Variants in PCDHGB6 observed in about 807,000 individuals in gnomAD.
The protein encoded by PCDHGB6 is protocadherin gamma subfamily B, 6, also known as protocadherin gamma-B6.
A neutral mutation model predicts 59.1 loss-of-function variants in PCDHGB6; 51 were observed. The observed-to-expected ratio is 0.86, with a 90% CI of 0.69 to 1.09. The LOEUF is 1.09. Among genes scored for constraint, PCDHGB6 ranks in the 50% least tolerant of loss-of-function variants. The pLI is 0.00. For missense variants in PCDHGB6, 1,148 were observed against 1,205.1 expected, an observed-to-expected ratio of 0.95 and a Z score of 0.70; for synonymous variants, 466 against 495.1, an observed-to-expected ratio of 0.94 and a Z score of 0.78.
In PCDHGB6 at chr5:141,486,610, C is replaced by G; in HGVS notation, c.2419-8197C>G. 6.2e-7 allele frequency: 1 copy of G among 1,613,620 alleles called. No homozygotes were observed. The highest frequency in any genetic ancestry group is 8.5e-7 in the Non-Finnish European group (1 of 1,180,038). On this transcript the variant is annotated intron_variant, in intron 1 of 3. Coordinates refer to ENST00000520790, the MANE Select transcript of PCDHGB6 (RefSeq NM_018926.3). This position sits in a 1 kb window ranked among gnomAD's most constrained non-coding sequence, Gnocchi z 5.0. ...GGGACCTGCTTTGCTCCCTTGCAGC[C>G]TCTGACCCAGACTCTGGCTTGAATG...
intron 1 of PCDHGB6, chr5:141,420,193 A>G: frequency 6.2e-7 from 1 of 1,613,766 alleles, no homozygotes; most frequent in South Asian, 1.1e-5. Context: ...CAGCCACACA[A>G]GATAACCTCA....
rs1328089059 is a variant in PCDHGB6, at chr5:141,478,532, G to A, written c.2419-16275G>A. 4.4e-6 allele frequency: 7 copies of A among 1,607,742 alleles called. No homozygotes were observed. The East Asian group carries it at 1.6e-4, about 36-fold the overall frequency. On this transcript the variant is annotated intron_variant, in intron 1 of 3. Coordinates refer to ENST00000520790, the MANE Select transcript of PCDHGB6 (RefSeq NM_018926.3). Reference sequence around the variant, plus strand: ...TAGGCAGGTGTTGGGTGCAGAGAGCGCCCCTCCCGGACAGGTAAGGTTTAG... The same window carrying A: ...TAGGCAGGTGTTGGGTGCAGAGAGCACCCCTCCCGGACAGGTAAGGTTTAG...
At position 141,476,477 on chromosome 5, in the gene PCDHGB6, G is replaced by A; in HGVS notation, c.2419-18330G>A. 1.2e-6 allele frequency: 2 copies of A among 1,614,078 alleles called. No individual in the cohort carries two copies. Among genetic ancestry groups the A allele is most frequent in the South Asian group, 1.1e-5 (1 of 91,070 alleles). ...GGAGAACCCGCTGGAGCTGTTCAGC[G>A]TGGAAGTGGTGATCCAGGACATCAA... On this transcript the variant is annotated intron_variant, in intron 1 of 3. Transcript: ENST00000520790. This position sits in a 1 kb window ranked among gnomAD's most constrained non-coding sequence, Gnocchi z 7.6.
chr5:141,485,887 C>T lies in PCDHGB6; in HGVS notation c.2419-8920C>T. 1 of 1,614,098 alleles carries T rather than the reference C, an allele frequency of 6.2e-7. No homozygotes were observed. On this transcript the variant is annotated intron_variant, in intron 1 of 3. Transcript: ENST00000520790. The surrounding 1 kb of genome is among the most constrained non-coding windows in gnomAD (Gnocchi z 5.7). ...TATCCGTGCTGGACGTAAACGACAA[C>T]GCCCCAGCCTTCCAGCAATCCAGCT...
intron 1 of PCDHGB6, among the ~76,000 whole-genome samples, chr5:141,482,605 C>T (rs2099569133): frequency 6.7e-6 from 1 of 150,032 alleles, no homozygotes; most frequent in Admixed American, 6.6e-5. Flanking sequence ...GAAAAAACAC[C>T]TAAATGAGCC....
intron 1 of PCDHGB6, among the ~76,000 whole-genome samples, chr5:141,480,689 C>A (rs1266042791): frequency 6.6e-6 from 1 of 152,126 alleles, no homozygotes; most frequent in Non-Finnish European, 1.5e-5. Flanking sequence ...AATTCTGAAA[C>A]CCAGGCCACA....
chr5:141,499,479 C>T (rs1019775735), intron 2 of PCDHGB6, among the ~76,000 whole-genome samples: 1 of 152,146 alleles, frequency 6.6e-6, no homozygotes. Context: ...AGAACCACCA[C>T]CAACTACAGT....
Position 141,431,135 on chromosome 5 carries a change from A to C in PCDHGB6, c.2418+20515A>C. ...TGGAGTAGAAGTAGAAGTAAGGGAC[A>C]TTAACGACAATGCGCCTTACTTTCG... On this transcript the variant is annotated intron_variant, in intron 1 of 3. Coordinates refer to ENST00000520790, the MANE Select transcript of PCDHGB6 (RefSeq NM_018926.3). The surrounding 1 kb of genome is among the most constrained non-coding windows in gnomAD (Gnocchi z 4.8). 1 of 1,614,266 alleles carries C rather than the reference A, an allele frequency of 6.2e-7. No homozygotes were observed. Among genetic ancestry groups the C allele is most frequent in the Non-Finnish European group, 8.5e-7 (1 of 1,180,042 alleles).
chr5:141,485,454 C>T lies in PCDHGB6; in HGVS notation c.2419-9353C>T. On this transcript the variant is annotated intron_variant, in intron 1 of 3. Transcript: ENST00000520790. This position sits in a 1 kb window ranked among gnomAD's most constrained non-coding sequence, Gnocchi z 5.7. Reference sequence around the variant, plus strand: ...ATCAAGAACCCAATCGACCGAGAGGCACTGTGTGGGCTCAGTGCCAGCTGC... The same window carrying T: ...ATCAAGAACCCAATCGACCGAGAGGTACTGTGTGGGCTCAGTGCCAGCTGC... The T allele has an allele frequency of 6.2e-7, 1 of 1,614,162 alleles. No homozygotes were observed. Among genetic ancestry groups the T allele is most frequent in the East Asian group, 2.2e-5 (1 of 44,868 alleles).
chr5:141,462,011 C>T (rs567038580), intron 1 of PCDHGB6, among the ~76,000 whole-genome samples: 32 of 152,182 alleles, frequency 2.1e-4, no homozygotes, highest in Admixed American at 5.9e-4. Flanking sequence ...TTAATAGAGA[C>T]GGGGTTTCTT....
intron 1 of PCDHGB6, among the ~76,000 whole-genome samples, chr5:141,436,923 T>C (rs2097854286): frequency 6.6e-6 from 1 of 152,224 alleles, no homozygotes; most frequent in African/African-American, 2.4e-5. Flanking sequence ...GAGTGTTACT[T>C]TTTCTTTGTC....
chr5:141,477,867 C>CGGT lies in PCDHGB6; in HGVS notation c.2419-16940_2419-16939insGGT. On this transcript the variant is annotated intron_variant, in intron 1 of 3. Transcript: ENST00000520790. This position sits in a 1 kb window ranked among gnomAD's most constrained non-coding sequence, Gnocchi z 4.9. ...TCGGTGGAGATGCTGCCTCGAGGTA[C>CGGT]CTCAGCTGGCCACCTAGTGTCACGG... 6.2e-7 allele frequency: 1 copy of CGGT among 1,613,614 alleles called. No homozygotes were observed. Among genetic ancestry groups the CGGT allele is most frequent in the Non-Finnish European group, 8.5e-7 (1 of 1,179,854 alleles).
rs1289898516 is a variant in PCDHGB6 at position 141,487,019 on chromosome 5, C to G, written c.2419-7788C>G. ...CTATCAGCTCCTGGAGGCCCCAGAT[C>G]CCAGCCTGTTTGCAGTCTCTCGATA... On this transcript the variant is annotated intron_variant, in intron 1 of 3. Transcript: ENST00000520790. The surrounding 1 kb of genome is among the most constrained non-coding windows in gnomAD (Gnocchi z 5.0). 1 of 1,614,204 alleles carries G rather than the reference C, an allele frequency of 6.2e-7. No homozygotes were observed. The highest frequency in any genetic ancestry group is 8.5e-7 in the Non-Finnish European group (1 of 1,180,042).
rs1416755901 is a variant in PCDHGB6 at position 141,489,721 on chromosome 5, G to C, written c.2419-5086G>C. The C allele has an allele frequency of 6.2e-7, 1 of 1,614,016 alleles. No homozygotes were observed. The highest frequency in any genetic ancestry group is 8.5e-7 in the Non-Finnish European group (1 of 1,179,966). On this transcript the variant is annotated intron_variant, in intron 1 of 3. Coordinates refer to ENST00000520790, the MANE Select transcript of PCDHGB6 (RefSeq NM_018926.3). The surrounding 1 kb of genome is among the most constrained non-coding windows in gnomAD (Gnocchi z 4.5). ...CCCACTGGACAGTGCCCAGGATCCGGATGTGGGCACCAATACTGTGAGCTT... is the reference window on the plus strand; with the variant it reads ...CCCACTGGACAGTGCCCAGGATCCGCATGTGGGCACCAATACTGTGAGCTT...
intron 1 of PCDHGB6, among the ~76,000 whole-genome samples, chr5:141,467,372 T>C (rs1006663543): frequency 2.0e-5 from 3 of 152,072 alleles, no homozygotes; most frequent in African/African-American, 7.2e-5. Flanking sequence ...TTTTCTTATA[T>C]TGCATTTAGG....
rs558951022 is a variant in PCDHGB6 at position 141,501,554 on chromosome 5, C to T, written c.2478-3839C>T. On this transcript the variant is annotated intron_variant, in intron 2 of 3. Coordinates refer to ENST00000520790, the MANE Select transcript of PCDHGB6 (RefSeq NM_018926.3). ...CGTTGTTGTGCATAAGATCATAGGC[C>T]CTGGAATCATATTAGGCTGGCTTTC... is the stretch of plus-strand genomic sequence containing the variant. Among the ~76,000 whole-genome samples the T allele has an allele frequency of 3.3e-5, 5 of 152,044 alleles. No homozygotes were observed. In the East Asian group the frequency reaches 7.8e-4, roughly 24 times the overall value.
intron 1 of PCDHGB6, among the ~76,000 whole-genome samples, chr5:141,464,442 G>A (rs890758574): frequency 3.3e-5 from 5 of 151,500 alleles, no homozygotes; most frequent in African/African-American, 1.2e-4. Flanking sequence ...TATGTTTGTT[G>A]TTGTTGTTGT....
rs567684479 is a variant in PCDHGB6 at position 141,432,875 on chromosome 5, G to T, written c.2418+22255G>T. The T allele has an allele frequency of 6.2e-7, 1 of 1,614,178 alleles. No individual in the cohort carries two copies. Among genetic ancestry groups the T allele is most frequent in the South Asian group, 1.1e-5 (1 of 91,084 alleles). ...GGCCGCGGTCTCCTGCGTCTTCCTG[G>T]CCTTCGTCATCTTGCTGCTGGCGCT... On this transcript the variant is annotated intron_variant, in intron 1 of 3. Coordinates refer to ENST00000520790, the MANE Select transcript of PCDHGB6 (RefSeq NM_018926.3). This position sits in a 1 kb window ranked among gnomAD's most constrained non-coding sequence, Gnocchi z 6.0.
At position 141,491,423 on chromosome 5, in the gene PCDHGB6, G is replaced by C; in HGVS notation, c.2419-3384G>C. On this transcript the variant is annotated intron_variant, in intron 1 of 3. Transcript: ENST00000520790. The surrounding 1 kb of genome is among the most constrained non-coding windows in gnomAD (Gnocchi z 6.9). ...AACGCAGACGGGGACGGGGGTGGAG[G>C]GCAGTGCTGCAGGCGCCAGGACTCA... 1 of 1,614,126 alleles carries C rather than the reference G, an allele frequency of 6.2e-7. No individual in the cohort carries two copies. Among genetic ancestry groups the C allele is most frequent in the South Asian group, 1.1e-5 (1 of 91,090 alleles).
Sources: allele counts gnomAD v4.1 joint callset (sites outside exome capture counted in the v4.1 genomes callset), GRCh38; gene constraint gnomAD v4.1.1; non-coding constraint Gnocchi (gnomAD v3.1); transcripts MANE v1.5; gene names NCBI Gene and HGNC (gene_info 2026-07-23, HGNC 2026-07-21).